The following PRKCD variants were observed in gnomAD, a reference collection of about 807,000 sequenced individuals.
The protein encoded by PRKCD is protein kinase C delta.
PRKCD carries 20 observed loss-of-function variants against 82.2 expected under a neutral mutation model. That is an observed-to-expected ratio of 0.24 (90% CI 0.17 to 0.35). PRKCD has a LOEUF of 0.35. Ranked by LOEUF, PRKCD falls within the 10% of genes least tolerant of loss-of-function variation. PRKCD has a pLI of 1.00. For synonymous variants in PRKCD, 317 were observed against 337.0 expected (o/e 0.94, Z 0.65); for missense variants, 607 against 899.0 (o/e 0.68, Z 4.15).
chr3:53,185,581 C>T, intron 10 of PRKCD, 23 bp from the exon 11 acceptor site: 1 of 1,604,816 alleles, frequency 6.2e-7, no homozygotes. Flanking sequence ...CCATCTGGCC[C>T]CCCACCTCTG....
Position 53,180,172 on chromosome 3 carries a change from G to A in PRKCD, c.315+396G>A, listed in dbSNP as rs11916006. ...CTTTTTCCTTTTTAATTTTGGAAAG[G>A]CAGGATATGCACATAGTAAAACATT... On this transcript the variant is annotated intron_variant, in intron 4 of 18. Transcript: ENST00000330452. 7.7e-3 allele frequency among the ~76,000 whole-genome samples: 1,170 copies of A among 152,296 alleles called. 12 individuals are homozygous for A. The highest frequency in any genetic ancestry group is 0.024 in the Middle Eastern group (7 of 294).
chr3:53,190,032 G>T (rs1703868723), intron 18 of PRKCD, 31 bp downstream of exon 18: 3 of 1,612,922 alleles, frequency 1.9e-6, no homozygotes, highest in Non-Finnish European at 2.5e-6. Context: ...CTGCCTTCAG[G>T]CTGAGCTACT....
rs140964124 is a variant in PRKCD, at chr3:53,179,907, C to G, written c.315+131C>G. The G allele has an allele frequency of 2.7e-4, 308 of 1,146,678 alleles. 1 individual carries two copies. In the East Asian group the frequency reaches 7.9e-3, roughly 29 times the overall value. The allele number at this position is 1,146,678 out of a possible 1,614,324, so 71.0% of individuals were successfully genotyped here. A position where few individuals can be genotyped will look rare whatever the true frequency, so the allele number is the denominator to read the frequency against. ...CAGCTGAAGAGCACCGGGCCCTGTG[C>G]TGGCCACCAGTCCAGCCCTGTGGCC... On this transcript the variant is annotated intron_variant, in intron 4 of 18. Transcript: ENST00000330452.
At chr3:53,187,970 C>T (rs1402433912) in intron 15 of PRKCD, among the ~76,000 whole-genome samples, 5 of 151,922 alleles carry the variant, frequency 3.3e-5, no homozygotes, top group Admixed American at 2.6e-4. Context: ...GCAGATCACC[C>T]GAGGTCAGGA....
chr3:53,185,119 A>C, intron 10 of PRKCD, 145 bp downstream of exon 10: 1 of 693,808 alleles, frequency 1.4e-6, no homozygotes. Context: ...TCAAGAATTT[A>C]GGCAGCAGAG....
intron 7 of PRKCD, among the ~76,000 whole-genome samples, chr3:53,182,547 G>A (rs782642610): frequency 2.0e-5 from 3 of 152,164 alleles, no homozygotes; most frequent in Non-Finnish European, 4.4e-5. Flanking sequence ...GGGATTATAG[G>A]CGTGAGCCAT....
intron 1 of PRKCD, among the ~76,000 whole-genome samples, chr3:53,162,270 C>CGGG (rs550105739): frequency 1.9e-3 from 278 of 147,878 alleles, no homozygotes; most frequent in African/African-American, 6.5e-3. Context: ...GGGAGGAGGT[C>CGGG]GGGGGGGGGG....
At chr3:53,165,683 C>T (rs1228632774) in intron 2 of PRKCD, among the ~76,000 whole-genome samples, 1 of 152,200 alleles carries the variant, frequency 6.6e-6, no homozygotes, top group Non-Finnish European at 1.5e-5. Context: ...GTCTCCAGCT[C>T]CAGGTACAGC....
Position 53,171,125 on chromosome 3 carries a change from C to A in PRKCD, c.-20+5910C>A, listed in dbSNP as rs569229037. On this transcript the variant is annotated intron_variant, in intron 2 of 18. Transcript: ENST00000330452. ...TCGTGGAGAGGCCCGGCTGCATCCCCCACCCTGGCTCCTCACAGAGGCCCC... is the reference window on the plus strand; with the variant it reads ...TCGTGGAGAGGCCCGGCTGCATCCCACACCCTGGCTCCTCACAGAGGCCCC... 3.5e-4 allele frequency among the ~76,000 whole-genome samples: 54 copies of A among 152,286 alleles called. 1 individual carries two copies. In the South Asian group the frequency reaches 0.011, roughly 32 times the overall value.
At chr3:53,176,299 C>G (rs1703212343) in intron 2 of PRKCD, among the ~76,000 whole-genome samples, 3 of 152,234 alleles carry the variant, frequency 2.0e-5, no homozygotes. Context: ...CTGCCTGGGT[C>G]CTGCTCTCTG....
At chr3:53,191,276 T>C (rs1703915526) in intron 18 of PRKCD, among the ~76,000 whole-genome samples, 3 of 151,958 alleles carry the variant, frequency 2.0e-5, no homozygotes, top group African/African-American at 7.3e-5. Context: ...GGTACGGTGG[T>C]GCACACCTGT....
chr3:53,182,316 T>TAGAGTGCA (rs1553667860), intron 7 of PRKCD, among the ~76,000 whole-genome samples: 1 of 152,104 alleles, frequency 6.6e-6, no homozygotes, highest in African/African-American at 2.4e-5. Flanking sequence ...TTGCCCAAGC[T>TAGAGTGCA]AGAGTGCAGT....
At chr3:53,179,127 C>T (rs1213741466) in intron 3 of PRKCD, among the ~76,000 whole-genome samples, 7 of 152,256 alleles carry the variant, frequency 4.6e-5, no homozygotes, top group Admixed American at 6.5e-5. Context: ...GTAGCACTAC[C>T]AGCCTTGCCC....
intron 2 of PRKCD, among the ~76,000 whole-genome samples, chr3:53,174,991 C>T (rs1224869669): frequency 3.3e-5 from 5 of 152,222 alleles, no homozygotes; most frequent in Non-Finnish European, 7.3e-5. Flanking sequence ...CCTCACCCTC[C>T]TGGGGCTTCT....
In PRKCD at chr3:53,192,347, T is replaced by C; in HGVS notation, c.*81T>C. On this transcript the variant is annotated 3_prime_UTR_variant, in exon 19 of 19. Transcript: ENST00000330452. ...ACGATAAGCACCAGTGGGACTGTGG[T>C]GACTTCTGCTGCTGGCCCCGCCCCT... The C allele has an allele frequency of 5.9e-6, 9 of 1,530,218 alleles. No homozygotes were observed. The highest frequency in any genetic ancestry group is 8.1e-6 in the Non-Finnish European group (9 of 1,114,546). The allele number at this position is 1,530,218 out of a possible 1,614,324, so 94.8% of individuals were successfully genotyped here. A position where few individuals can be genotyped will look rare whatever the true frequency, so the allele number is the denominator to read the frequency against.
At chr3:53,174,766 G>A (rs6778964) in intron 2 of PRKCD, among the ~76,000 whole-genome samples, 88,402 of 152,020 alleles carry the variant, frequency 0.58, 27,049 homozygotes, top group East Asian at 0.75. Context: ...TGGGTCTGAC[G>A]CTATGGTTAC....
rs201862364 is a variant in PRKCD at position 53,185,630 on chromosome 3, C to T, written c.915C>T (p.Ala305=). The change falls in exon 11 of 19, where the codon GCC becomes GCT. Residue 305 remains alanine, a synonymous_variant. Transcript: ENST00000330452. ...GAGCCTCCCGGAGATCAGACTCAGC[C>T]TCCTCAGAGCCTGTTGGGATATATC... ...TQRASRRSDS[A]SSEPVGIYQG... is the part of the protein sequence containing the mutation. The T allele has an allele frequency of 3.6e-5, 58 of 1,613,530 alleles. No individual in the cohort carries two copies. The Admixed American group carries it at 9.5e-4, about 26-fold the overall frequency.
At chr3:53,172,661 G>A (rs1171074360) in intron 2 of PRKCD, among the ~76,000 whole-genome samples, 2 of 152,172 alleles carry the variant, frequency 1.3e-5, no homozygotes, top group Non-Finnish European at 2.9e-5. Context: ...CCTGCTCCCC[G>A]GGGGTCTGTT....
intron 18 of PRKCD, 80 bp downstream of exon 18, chr3:53,190,081 C>T: frequency 6.4e-7 from 1 of 1,564,820 alleles, no homozygotes; most frequent in Admixed American, 1.7e-5. Flanking sequence ...CATTCACACG[C>T]TTTCCACCTC....
Sources: gnomAD v4.1 joint callset for allele counts (sites outside exome capture counted in the v4.1 genomes callset) on GRCh38, gnomAD v4.1.1 for gene constraint, MANE v1.5 for transcripts, NCBI Gene and HGNC (gene_info 2026-07-23, HGNC 2026-07-21) for gene names.